PHKA1: variants seen among roughly 807,000 people sequenced by gnomAD.
The protein encoded by PHKA1 is phosphorylase kinase regulatory subunit alpha 1, also known as phosphorylase b kinase regulatory subunit alpha, skeletal muscle isoform.
Under a neutral mutation model 110.2 loss-of-function variants are expected in PHKA1, and 60 were observed. That is an observed-to-expected ratio of 0.54 (90% CI 0.44 to 0.68). The LOEUF (loss-of-function observed/expected upper bound fraction) is 0.68, where lower values mean the gene tolerates loss of function less well. PHKA1 is among the 30% of genes least tolerant of loss of function. The pLI, the probability that PHKA1 is intolerant of heterozygous loss-of-function variation, is 0.00. For missense variants in PHKA1, 801 were observed against 942.5 expected (o/e 0.85, Z 1.97); for synonymous variants, 316 against 333.6 (o/e 0.95, Z 0.58).
At chrX:72,654,615 G>C (rs1339733799) in intron 10 of PHKA1, among the ~76,000 whole-genome samples, 6 of 111,354 alleles carry the variant, frequency 5.4e-5, no homozygotes, top group African/African-American at 2.0e-4. Context: ...TAAGGTGAAA[G>C]TACGGTAACT....
intron 17 of PHKA1, among the ~76,000 whole-genome samples, chrX:72,626,185 G>C (rs1209732071): frequency 1.8e-5 from 2 of 108,952 alleles, no homozygotes; most frequent in Admixed American, 1.0e-4. Context: ...AGAAAGGAAG[G>C]GGGGAAAGGC....
At chrX:72,665,123 G>T (rs1240818593) in intron 8 of PHKA1, among the ~76,000 whole-genome samples, 1 of 111,119 alleles carries the variant, frequency 9.0e-6, no homozygotes, top group African/African-American at 3.3e-5. Context: ...AAAATGAAAA[G>T]TTTTTTAAAT....
At position 72,707,630 on chromosome X, in the gene PHKA1, C is replaced by CGTGTGTGTGT. The variant is rs61504690; in HGVS notation, c.238-2395_238-2386dup. ...ACTCTCAAAAGGCTTATCAAAAAAT[C>CGTGTGTGTGT]GTGTGTGTGTGTGTGTGTGTGTGTG... On this transcript the variant is annotated intron_variant, in intron 2 of 31. Transcript: ENST00000373542. 3.5e-3 allele frequency among the ~76,000 whole-genome samples: 325 copies of CGTGTGTGTGT among 93,655 alleles called. 2 individuals carry two copies. Among genetic ancestry groups the CGTGTGTGTGT allele is most frequent in the African/African-American group, 7.1e-3 (184 of 25,756 alleles). The allele number at this position is 93,655 out of a possible 115,157, so 81.3% of individuals were successfully genotyped here. A position where few individuals can be genotyped will look rare whatever the true frequency, so the allele number is the denominator to read the frequency against.
chrX:72,592,588 T>G (rs2052536351), intron 29 of PHKA1, among the ~76,000 whole-genome samples: 1 of 112,771 alleles, frequency 8.9e-6, no homozygotes, highest in African/African-American at 3.2e-5. Context: ...ACCATCATTA[T>G]GACTTTGCAT....
Position 72,655,443 on chromosome X carries a change from C to T in PHKA1, c.1041+677G>A, listed in dbSNP as rs144792202. 3.1e-3 allele frequency among the ~76,000 whole-genome samples: 349 copies of T among 111,161 alleles called. 1 individual carries two copies. The highest frequency in any genetic ancestry group is 0.011 in the African/African-American group (338 of 30,663). On this transcript the variant is annotated intron_variant, in intron 10 of 31. Transcript: ENST00000373542. ...AATGACAACAAAAAAAGATTGCATA[C>T]GTATCATTATAGCAGAACTGACTGT...
At chrX:72,631,672 A>T (rs2053168216) in intron 16 of PHKA1, among the ~76,000 whole-genome samples, 1 of 109,785 alleles carries the variant, frequency 9.1e-6, no homozygotes, top group Admixed American at 9.7e-5. Context: ...CAGGACATAT[A>T]AGGCCCAGGA....
intron 16 of PHKA1, among the ~76,000 whole-genome samples, chrX:72,627,885 T>G (rs2147720483): frequency 9.6e-6 from 1 of 103,884 alleles, no homozygotes; most frequent in South Asian, 5.0e-4. Flanking sequence ...TGGCTTGATC[T>G]CGGCTCACTG....
chrX:72,711,951 T>A (rs1221747641), intron 2 of PHKA1: 4 of 111,039 alleles, frequency 3.6e-5, no homozygotes, highest in Non-Finnish European at 7.5e-5. Context: ...ATATTCTGAT[T>A]TATAGATGAA....
At chrX:72,585,288 A>C (rs1556210657) in intron 29 of PHKA1, among the ~76,000 whole-genome samples, 1 of 111,799 alleles carries the variant, frequency 8.9e-6, no homozygotes, top group African/African-American at 3.3e-5. Flanking sequence ...CAACAGCTAT[A>C]AAATTTTTTT....
intron 29 of PHKA1, among the ~76,000 whole-genome samples, chrX:72,587,530 G>A (rs1282434080): frequency 9.0e-6 from 1 of 111,430 alleles, no homozygotes; most frequent in African/African-American, 3.3e-5. Context: ...ATCAACTAAC[G>A]AGCAAAATCA....
intron 2 of PHKA1, among the ~76,000 whole-genome samples, chrX:72,710,934 T>C (rs1182721160): frequency 9.3e-6 from 1 of 107,002 alleles, no homozygotes; most frequent in African/African-American, 3.4e-5. Context: ...CGATCTCGGC[T>C]CACTGCAAGC....
chrX:72,657,856 T>C (rs1037490531), intron 8 of PHKA1, among the ~76,000 whole-genome samples: 2 of 111,549 alleles, frequency 1.8e-5, no homozygotes, highest in African/African-American at 6.5e-5. Context: ...TGATTTCAAG[T>C]GAAGGCAAAG....
chrX:72,655,767 C>CAT (rs1569442586), intron 10 of PHKA1, among the ~76,000 whole-genome samples: 31 of 111,297 alleles, frequency 2.8e-4, no homozygotes, highest in Non-Finnish European at 4.9e-4. Context: ...GGACTACAGG[C>CAT]GCCTGCCACC....
chrX:72,702,620 T>C (rs2054220358), intron 3 of PHKA1, among the ~76,000 whole-genome samples: 1 of 111,673 alleles, frequency 9.0e-6, no homozygotes, highest in South Asian at 3.8e-4. Flanking sequence ...GATATGAGAC[T>C]TCACAACCTG....
At chrX:72,613,821 C>T (rs2052850106) in intron 21 of PHKA1, among the ~76,000 whole-genome samples, 1 of 111,857 alleles carries the variant, frequency 8.9e-6, no homozygotes, top group Non-Finnish European at 1.9e-5. Context: ...TGGAAAAGAA[C>T]TTGGCATTAC....
At chrX:72,586,032 C>G (rs1556212361) in intron 29 of PHKA1, among the ~76,000 whole-genome samples, 1 of 112,557 alleles carries the variant, frequency 8.9e-6, no homozygotes, top group East Asian at 2.8e-4. Context: ...CTTATGCAGA[C>G]TTGAACGTCC....
intron 4 of PHKA1, among the ~76,000 whole-genome samples, chrX:72,694,102 T>G (rs1212548940): frequency 1.1e-4 from 12 of 112,190 alleles, no homozygotes; most frequent in African/African-American, 3.6e-4. Context: ...TCTAAGCCTC[T>G]CTTTTAACCA....
Position 72,635,184 on chromosome X carries a change from A to C in PHKA1, c.1685T>G (p.Ile562Ser), listed in dbSNP as rs782257208. The C allele has an allele frequency of 4.1e-6, 5 of 1,210,325 alleles. No individual in the cohort carries two copies. In the East Asian group the frequency reaches 1.5e-4, roughly 36 times the overall value. ...CATGCTGTGTGAGATGGGGAAGGTG[A>C]TGGTGGGCTGGCCTGTCATCCGCCA... Reference protein sequence around the residue: ...SRWRMTGQPTITFPISHSMLD... With the variant: ...SRWRMTGQPTSTFPISHSMLD... Residue 562 changes from isoleucine (I) to serine (S), a missense_variant, in exon 16 of 32, where the codon ATC (isoleucine) becomes AGC (serine). Transcript: ENST00000373542.
rs2053409771 is a variant in PHKA1 at position 72,649,996 on chromosome X, A to AC, written c.1324+393_1324+394insG. 3.6e-5 allele frequency among the ~76,000 whole-genome samples: 4 copies of AC among 109,953 alleles called. No homozygotes were observed. In the Admixed American group the frequency reaches 3.9e-4, roughly 11 times the overall value. ...GACAGAAAGAGACTCCCTCTCAAAA[A>AC]AAAAAAAAAATACTAAGCGCAGAAC... On this transcript the variant is annotated intron_variant, in intron 13 of 31. Coordinates refer to ENST00000373542, the MANE Select transcript of PHKA1 (RefSeq NM_002637.4).
Sources: gnomAD v4.1 joint callset for allele counts (sites outside exome capture counted in the v4.1 genomes callset) on GRCh38, gnomAD v4.1.1 for gene constraint, MANE v1.5 for transcripts, NCBI Gene and HGNC (gene_info 2026-07-23, HGNC 2026-07-21) for gene names.